The following CNTNAP5 variants were observed in gnomAD, a reference collection of about 807,000 sequenced individuals.
CNTNAP5 encodes contactin associated protein family member 5.
A neutral mutation model predicts 150.2 loss-of-function variants in CNTNAP5; 72 were observed. The observed-to-expected ratio is 0.48, with a 90% CI of 0.40 to 0.58. CNTNAP5 has a LOEUF of 0.58. Ranked by LOEUF, CNTNAP5 falls within the 20% of genes least tolerant of loss-of-function variation. The pLI, the probability that CNTNAP5 is intolerant of heterozygous loss-of-function variation, is 0.00. For synonymous variants in CNTNAP5, 672 were observed against 619.8 expected (o/e 1.08, Z -1.25); for missense variants, 1,636 against 1,626.2 (o/e 1.01, Z -0.10).
chr2:124,227,681 T>TGTGTGTGTGTG (rs1573851412), intron 2 of CNTNAP5, among the ~76,000 whole-genome samples: 2 of 149,898 alleles, frequency 1.3e-5, no homozygotes, highest in African/African-American at 2.5e-5. Context: ...TGTGTGTGTA[T>TGTGTGTGTGTG]TAAACTTATT....
chr2:124,712,004 G>A (rs1335520770), intron 13 of CNTNAP5, among the ~76,000 whole-genome samples: 1 of 152,132 alleles, frequency 6.6e-6, no homozygotes, highest in East Asian at 1.9e-4. Flanking sequence ...ACATCCATTA[G>A]CAGAAGGAAG....
intron 23 of CNTNAP5, among the ~76,000 whole-genome samples, chr2:124,911,753 T>C (rs1031099882): frequency 6.6e-6 from 1 of 152,086 alleles, no homozygotes; most frequent in Non-Finnish European, 1.5e-5. Context: ...ATCTTGCCTC[T>C]GATTCATGAG....
chr2:124,307,086 G>T (rs761402090), intron 3 of CNTNAP5, among the ~76,000 whole-genome samples: 93 of 152,194 alleles, frequency 6.1e-4, no homozygotes, highest in Middle Eastern at 6.8e-3. Context: ...GATTATCTTA[G>T]TCCAGGATGC....
intron 1 of CNTNAP5, among the ~76,000 whole-genome samples, chr2:124,191,284 T>G (rs1451739288): frequency 6.6e-6 from 1 of 152,188 alleles, no homozygotes; most frequent in Non-Finnish European, 1.5e-5. Flanking sequence ...GGAGAAGATC[T>G]CAAAGGATGG....
At chr2:124,677,927 C>T (rs1200858091) in intron 13 of CNTNAP5, among the ~76,000 whole-genome samples, 1 of 151,960 alleles carries the variant, frequency 6.6e-6, no homozygotes, top group African/African-American at 2.4e-5. Flanking sequence ...AATAAAAGTA[C>T]ACTCCAAGAG....
intron 1 of CNTNAP5, among the ~76,000 whole-genome samples, chr2:124,167,207 T>C (rs1684826134): frequency 6.6e-6 from 1 of 152,188 alleles, no homozygotes; most frequent in South Asian, 2.1e-4. Context: ...TACTTTTAAG[T>C]GATGTTCTCA....
chr2:124,578,386 T>A (rs953172137), intron 11 of CNTNAP5, among the ~76,000 whole-genome samples: 2 of 151,176 alleles, frequency 1.3e-5, no homozygotes, highest in African/African-American at 4.9e-5. Context: ...CCTTGCTTTC[T>A]ACATTGCAAC....
In CNTNAP5 at chr2:124,620,862, A is replaced by G. The variant is rs74445628; in HGVS notation, c.1876+10942A>G. Among the ~76,000 whole-genome samples, 153 of 152,268 alleles carry G rather than the reference A, an allele frequency of 1.0e-3. No individual in the cohort carries two copies. In the East Asian group the frequency reaches 0.027, roughly 27 times the overall value. ...CATGGTGTGATTATTAATTGTGTCT[A>G]CAACCACTCTTACAGTTGACATAGT... On this transcript the variant is annotated intron_variant, in intron 12 of 23. Transcript: ENST00000682447.
chr2:124,528,360 G>A lies in CNTNAP5; in HGVS notation c.1649+904G>A, dbSNP rs865862176. Among the ~76,000 whole-genome samples, 18 of 152,288 alleles carry A rather than the reference G, an allele frequency of 1.2e-4. 1 individual carries two copies. Among genetic ancestry groups the A allele is most frequent in the Admixed American group, 2.6e-4 (4 of 15,292 alleles). ...CTTAGTCTGACCCTGAGAATGAGTC[G>A]AAGAAGGTTTCAGAAGGTGATGCTG... On this transcript the variant is annotated intron_variant, in intron 10 of 23. Coordinates refer to ENST00000682447, the MANE Select transcript of CNTNAP5 (RefSeq NM_001367498.1).
chr2:124,543,940 G>A (rs1299273293), intron 10 of CNTNAP5, among the ~76,000 whole-genome samples: 2 of 142,604 alleles, frequency 1.4e-5, no homozygotes, highest in Middle Eastern at 3.8e-3. Flanking sequence ...AATTGGACCA[G>A]ATGCTAGCTA....
intron 1 of CNTNAP5, among the ~76,000 whole-genome samples, chr2:124,155,462 G>A (rs928970633): frequency 4.6e-5 from 7 of 151,984 alleles, no homozygotes; most frequent in Non-Finnish European, 8.8e-5. Flanking sequence ...GTGTGCGCGC[G>A]TGTGTGGTGT....
chr2:124,716,807 A>C (rs1371358953), intron 13 of CNTNAP5, among the ~76,000 whole-genome samples: 1 of 152,156 alleles, frequency 6.6e-6, no homozygotes, highest in East Asian at 1.9e-4. Flanking sequence ...AGGATGAGAG[A>C]AAATAAAATT....
At chr2:124,545,426 A>C (rs1164236286) in intron 10 of CNTNAP5, among the ~76,000 whole-genome samples, 1 of 152,180 alleles carries the variant, frequency 6.6e-6, no homozygotes, top group Admixed American at 6.6e-5. Context: ...TTCAAGCTTA[A>C]TTCACAGCCC....
chr2:124,174,422 G>T (rs1685013860), intron 1 of CNTNAP5, among the ~76,000 whole-genome samples: 1 of 152,170 alleles, frequency 6.6e-6, no homozygotes, highest in Admixed American at 6.6e-5. Context: ...GATTCAAAAA[G>T]GAGGTAAAAA....
At chr2:124,451,077 T>TATATATATATATATACAC (rs755084840) in intron 6 of CNTNAP5, among the ~76,000 whole-genome samples, 7 of 61,526 alleles carry the variant, frequency 1.1e-4, no homozygotes, top group African/African-American at 2.1e-4. Context: ...TATATATATA[T>TATATATATATATATACAC]ACACACACAC....
intron 3 of CNTNAP5, among the ~76,000 whole-genome samples, chr2:124,248,938 A>C (rs1030237418): frequency 6.6e-6 from 1 of 152,162 alleles, no homozygotes; most frequent in Non-Finnish European, 1.5e-5. Flanking sequence ...ACTGCTATTA[A>C]ATTAATCTTA....
At chr2:124,108,013 GT>G (rs2104702931) in intron 1 of CNTNAP5, among the ~76,000 whole-genome samples, 1 of 152,306 alleles carries the variant, frequency 6.6e-6, no homozygotes, top group African/African-American at 2.4e-5. Context: ...ACACAATTTA[GT>G]TGAGCATAGT....
At chr2:124,125,279 C>T (rs1217136603) in intron 1 of CNTNAP5, among the ~76,000 whole-genome samples, 1 of 152,114 alleles carries the variant, frequency 6.6e-6, no homozygotes, top group Admixed American at 6.5e-5. Flanking sequence ...TCTGATAAAA[C>T]AGACTTTAAA....
chr2:124,511,930 T>A (rs947138195), intron 8 of CNTNAP5, among the ~76,000 whole-genome samples: 20 of 7,474 alleles, frequency 2.7e-3, no homozygotes, highest in Non-Finnish European at 4.0e-3. Context: ...TGAATAGGGT[T>A]TTTTTTTTTT....
Sources: gnomAD v4.1 joint callset for allele counts (sites outside exome capture counted in the v4.1 genomes callset) on GRCh38, gnomAD v4.1.1 for gene constraint, MANE v1.5 for transcripts, NCBI Gene and HGNC (gene_info 2026-07-23, HGNC 2026-07-21) for gene names.